The following AR variants were observed in gnomAD, a reference collection of about 807,000 sequenced individuals.
AR encodes the protein dihydrotestosterone receptor.
AR carries 8 observed loss-of-function variants against 53.9 expected under a neutral mutation model. That is an observed-to-expected ratio of 0.15 (90% CI 0.09 to 0.27). The LOEUF (loss-of-function observed/expected upper bound fraction) is 0.27, where lower values mean the gene tolerates loss of function less well. Ranked by LOEUF, AR falls within the 10% of genes least tolerant of loss-of-function variation. The pLI, the probability that AR is intolerant of heterozygous loss-of-function variation, is 1.00. For missense variants in AR, 639 were observed against 742.5 expected (o/e 0.86, Z 1.62); for synonymous variants, 359 against 316.4 (o/e 1.13, Z -1.43).
At chrX:67,658,516 CA>C (rs779915090) in intron 2 of AR, among the ~76,000 whole-genome samples, 22 of 111,967 alleles carry the variant, frequency 2.0e-4, no homozygotes, top group Non-Finnish European at 3.8e-4. Context: ...CAGCTCTTCA[CA>C]AGTGTGATCA....
intron 2 of AR, among the ~76,000 whole-genome samples, chrX:67,658,212 A>G (rs1034230125): frequency 2.7e-5 from 3 of 112,124 alleles, no homozygotes; most frequent in Non-Finnish European, 3.8e-5. Flanking sequence ...ACAGAATACA[A>G]GAGAAGTTCT....
intron 1 of AR, among the ~76,000 whole-genome samples, chrX:67,623,340 C>A (rs1194692155): frequency 4.5e-5 from 5 of 111,503 alleles, no homozygotes; most frequent in Non-Finnish European, 9.4e-5. Flanking sequence ...AAATAATAAA[C>A]AATTAGTAAT....
chrX:67,723,744 G>A lies in AR; in HGVS notation c.2666G>A (p.Ser889Asn). The A allele has an allele frequency of 8.3e-7, 1 of 1,210,798 alleles. No homozygotes were observed. Reference protein sequence around the residue: ...FDLLIKSHMVSVDFPEMMAEI... With the variant: ...FDLLIKSHMVNVDFPEMMAEI... The stretch of plus-strand genomic sequence containing the variant: ...CTGCTAATCAAGTCACACATGGTGA[G>A]CGTGGACTTTCCGGAAATGATGGCA... The change falls in exon 8 of 8, where the codon AGC becomes AAC. Residue 889 changes from serine (S) to asparagine (N), a missense_variant. Physicochemically the swap from Ser to Asn is conservative, Grantham distance 46 (BLOSUM62 1). Coordinates refer to ENST00000374690, the MANE Select transcript of AR (RefSeq NM_000044.6).
At chrX:67,600,711 G>C in intron 1 of AR, among the ~76,000 whole-genome samples, 1 of 111,306 alleles carries the variant, frequency 9.0e-6, no homozygotes, top group East Asian at 2.8e-4. Flanking sequence ...TAATAGGATT[G>C]ATTGTAACAC....
At position 67,725,624 on chromosome X, in the gene AR, T is replaced by C; in HGVS notation, c.*1783T>C. 1 of 175,819 alleles carries C rather than the reference T, an allele frequency of 5.7e-6. No homozygotes were observed. The highest frequency in any genetic ancestry group is 1.1e-5 in the Non-Finnish European group (1 of 91,747). The allele number at this position is 175,819 out of a possible 1,213,427, so 14.5% of individuals were successfully genotyped here. On this transcript the variant is annotated 3_prime_UTR_variant, in exon 8 of 8. Coordinates refer to ENST00000374690, the MANE Select transcript of AR (RefSeq NM_000044.6). ...TTCAGCGGCAAAGCCTAAAGCCAGA[T>C]GGACACCATCTGGTGAGTTTACTCA...
chrX:67,661,134 A>G (rs947815613), intron 2 of AR, among the ~76,000 whole-genome samples: 8 of 111,626 alleles, frequency 7.2e-5, no homozygotes, highest in African/African-American at 2.6e-4. Flanking sequence ...GGGGTTTTCT[A>G]GGTATACAAT....
chrX:67,707,961 A>T (rs2076076119), intron 3 of AR, among the ~76,000 whole-genome samples: 1 of 112,118 alleles, frequency 8.9e-6, no homozygotes, highest in African/African-American at 3.2e-5. Flanking sequence ...AAGAATGATG[A>T]ATATTGGCCC....
intron 1 of AR, among the ~76,000 whole-genome samples, chrX:67,563,645 C>T (rs747308966): frequency 8.9e-6 from 1 of 111,768 alleles, no homozygotes; most frequent in Admixed American, 9.5e-5. Flanking sequence ...GGAATGTAAG[C>T]GTGAGGTCAT....
intron 2 of AR, among the ~76,000 whole-genome samples, chrX:67,662,598 T>A (rs1350706423): frequency 2.2e-4 from 25 of 111,112 alleles, no homozygotes; most frequent in East Asian, 8.5e-4. Flanking sequence ...TGCTGAGGAG[T>A]GCTTTACTTC....
chrX:67,561,426 G>A (rs755967997), intron 1 of AR, among the ~76,000 whole-genome samples: 9 of 111,228 alleles, frequency 8.1e-5, no homozygotes, highest in Admixed American at 6.7e-4. Context: ...ATAACAATTC[G>A]ACAGTAAAAA....
intron 1 of AR, among the ~76,000 whole-genome samples, chrX:67,585,529 T>C (rs190372080): frequency 9.4e-4 from 105 of 112,213 alleles, no homozygotes; most frequent in African/African-American, 2.9e-3. Flanking sequence ...GTCTGTTCAT[T>C]GCCCATGTAA....
At chrX:67,635,555 G>A (rs1925391896) in intron 1 of AR, among the ~76,000 whole-genome samples, 1 of 110,932 alleles carries the variant, frequency 9.0e-6, no homozygotes, top group African/African-American at 3.3e-5. Flanking sequence ...AGGAGCAGAG[G>A]AGAGGAGATA....
At chrX:67,572,285 T>C (rs1921850753) in intron 1 of AR, among the ~76,000 whole-genome samples, 1 of 111,370 alleles carries the variant, frequency 9.0e-6, no homozygotes, top group Admixed American at 9.5e-5. Flanking sequence ...GAGTATTGGA[T>C]TGAAGAGGAG....
At chrX:67,701,199 A>AT (rs1212474482) in intron 3 of AR, among the ~76,000 whole-genome samples, 1 of 111,885 alleles carries the variant, frequency 8.9e-6, no homozygotes, top group Non-Finnish European at 1.9e-5. Flanking sequence ...AATTAATTTA[A>AT]TTTTTTAAAA....
intron 4 of AR, among the ~76,000 whole-genome samples, chrX:67,716,191 A>G (rs763933683): frequency 8.9e-6 from 1 of 112,508 alleles, no homozygotes; most frequent in South Asian, 3.7e-4. Flanking sequence ...ATAAGAAGAT[A>G]TGGTCCCTGT....
chrX:67,695,540 G>A lies in AR; in HGVS notation c.1885+9414G>A, dbSNP rs1238653723. On this transcript the variant is annotated intron_variant, in intron 3 of 7. Coordinates refer to ENST00000374690, the MANE Select transcript of AR (RefSeq NM_000044.6). ...TTCTCCCAAGCCAGACTCAAATATT[G>A]TATTGATGTCAAAGAAGAATCACTT... The A allele has an allele frequency of 4.0e-6, 3 of 753,582 alleles. 1 individual carries two copies. In the South Asian group the frequency reaches 2.0e-4, roughly 51 times the overall value. 62.1% of individuals were successfully genotyped at this position (753,582 alleles called of 1,213,427 possible).
chrX:67,676,082 A>G (rs2147484194), intron 2 of AR, among the ~76,000 whole-genome samples: 1 of 112,436 alleles, frequency 8.9e-6, no homozygotes, highest in African/African-American at 3.2e-5. Context: ...AACACTATAG[A>G]AAATGACAAA....
At position 67,717,488 on chromosome X, in the gene AR, C is replaced by G. The variant is rs768869912; in HGVS notation, c.2184C>G (p.Asn728Lys). The G allele has an allele frequency of 8.3e-7, 1 of 1,212,047 alleles. No homozygotes were observed. Among genetic ancestry groups the G allele is most frequent in the East Asian group, 3.0e-5 (1 of 33,823 alleles). Residue 728 changes from asparagine (N) to lysine (K), a missense_variant, in exon 5 of 8, where the codon AAC becomes AAG. Around this residue, in one of 5 missense-constraint regions of AR, gnomAD observed 95 missense variants for 196.4 expected, o/e 0.48. Coordinates refer to ENST00000374690, the MANE Select transcript of AR (RefSeq NM_000044.6). ...KWAKALPGFR[N>K]LHVDDQMAVI... Reference sequence around the variant, plus strand: ...CCTCTTCTTCTCCAGGCTTCCGCAACTTACACGTGGACGACCAGATGGCTG... The same window carrying G: ...CCTCTTCTTCTCCAGGCTTCCGCAAGTTACACGTGGACGACCAGATGGCTG...
At chrX:67,643,860 A>G (rs1036173635) in intron 2 of AR, among the ~76,000 whole-genome samples, 1 of 111,606 alleles carries the variant, frequency 9.0e-6, no homozygotes, top group African/African-American at 3.3e-5. Context: ...GGCCCCAGAA[A>G]GGGAGTGTTC....
Sources: gnomAD v4.1 joint callset for allele counts (sites outside exome capture counted in the v4.1 genomes callset) on GRCh38, gnomAD v4.1.1 for gene constraint, gnomAD v4.1.1 regional missense constraint, MANE v1.5 for transcripts, NCBI Gene and HGNC (gene_info 2026-07-23, HGNC 2026-07-21) for gene names.